The following CDIN1 variants were observed in gnomAD, a reference collection of about 807,000 sequenced individuals.
CDIN1 encodes the protein CDAN1 interacting nuclease 1, also known as CDAN1-interacting nuclease 1.
CDIN1 carries 33 observed loss-of-function variants against 45.3 expected under a neutral mutation model. That is an observed-to-expected ratio of 0.73 (90% CI 0.55 to 0.97). The LOEUF (loss-of-function observed/expected upper bound fraction) is 0.97. Ranked by LOEUF, CDIN1 falls within the 50% of genes least tolerant of loss-of-function variation. The pLI, the probability that CDIN1 is intolerant of heterozygous loss-of-function variation, is 0.00. For synonymous variants in CDIN1, 118 were observed against 124.4 expected, an observed-to-expected ratio of 0.95 and a Z score of 0.34; for missense variants, 303 against 339.4, an observed-to-expected ratio of 0.89 and a Z score of 0.84.
chr15:36,709,815 C>T (rs764552003), intron 9 of CDIN1, 41 bp from the exon 10 acceptor site: 1 of 1,523,390 alleles, frequency 6.6e-7, no homozygotes, highest in African/African-American at 1.4e-5. Context: ...TTTCAATCTT[C>T]CCCTCCCTTC....
At chr15:36,632,250 A>G (rs952180773) in intron 1 of CDIN1, among the ~76,000 whole-genome samples, 1 of 152,192 alleles carries the variant, frequency 6.6e-6, no homozygotes, top group African/African-American at 2.4e-5. Context: ...TTGTAGCCTC[A>G]AAACTACAGT....
intron 5 of CDIN1, among the ~76,000 whole-genome samples, chr15:36,686,811 GGA>G (rs1161026332): frequency 2.2e-5 from 3 of 135,184 alleles, no homozygotes; most frequent in African/African-American, 2.7e-5. Flanking sequence ...ATGGAGGGAG[GGA>G]GAGAGAGAGA....
chr15:36,746,752 CTTTT>C (rs760613983), intron 10 of CDIN1, among the ~76,000 whole-genome samples: 8 of 74,342 alleles, frequency 1.1e-4, no homozygotes, highest in African/African-American at 3.6e-4. Flanking sequence ...GGAAACGTGT[CTTTT>C]TTTTTTTTTT....
intron 5 of CDIN1, among the ~76,000 whole-genome samples, chr15:36,675,557 C>G (rs1182396519): frequency 6.6e-6 from 1 of 152,160 alleles, no homozygotes; most frequent in African/African-American, 2.4e-5. Flanking sequence ...CTCACTTTGG[C>G]ACAGCATTGT....
At chr15:36,744,645 A>C (rs1042302173) in intron 10 of CDIN1, among the ~76,000 whole-genome samples, 1 of 152,178 alleles carries the variant, frequency 6.6e-6, no homozygotes, top group Non-Finnish European at 1.5e-5. Context: ...TGATTAGGGA[A>C]GGTTTTTCCA....
chr15:36,778,763 G>A (rs2054280228), intron 10 of CDIN1, among the ~76,000 whole-genome samples: 1 of 152,096 alleles, frequency 6.6e-6, no homozygotes, highest in Non-Finnish European at 1.5e-5. Flanking sequence ...TTGATTTACT[G>A]CATATGGAAT....
chr15:36,613,296 C>T (rs2038734303), intron 1 of CDIN1, among the ~76,000 whole-genome samples: 1 of 152,150 alleles, frequency 6.6e-6, no homozygotes, highest in Non-Finnish European at 1.5e-5. Context: ...ACTAAGTCAT[C>T]ACTTGGAAGG....
chr15:36,579,740 CA>C lies in CDIN1; in HGVS notation c.-119del. The C allele has an allele frequency of 2.7e-6, 2 of 740,666 alleles. 1 individual carries two copies. The highest frequency in any genetic ancestry group is 3.6e-5 in the South Asian group (2 of 54,896). 45.9% of individuals were successfully genotyped at this position (740,666 alleles called of 1,614,324 possible). On this transcript the variant is annotated 5_prime_UTR_variant, in exon 1 of 11. Transcript: ENST00000566621. Reference sequence around the variant, plus strand: ...TGTTTCAGGGGGGATTGGGGCAAGCCAAGCAGGCGAGGACCCGGGCCTGTGC... The same window carrying C: ...TGTTTCAGGGGGGATTGGGGCAAGCCAGCAGGCGAGGACCCGGGCCTGTGC...
intron 10 of CDIN1, among the ~76,000 whole-genome samples, chr15:36,781,422 C>A (rs1262707193): frequency 1.3e-5 from 2 of 152,160 alleles, no homozygotes; most frequent in African/African-American, 4.8e-5. Flanking sequence ...CAAGGTCACA[C>A]AGCCAATTAC....
At chr15:36,804,519 C>T (rs546830146) in intron 10 of CDIN1, 8 of 152,046 alleles carry the variant, frequency 5.3e-5, no homozygotes, top group African/African-American at 1.9e-4. Flanking sequence ...AAAACCTGGT[C>T]TTTACCCTCA....
intron 5 of CDIN1, among the ~76,000 whole-genome samples, chr15:36,662,333 C>G (rs57392517): frequency 0.45 from 67,820 of 152,042 alleles, 15,448 homozygotes; most frequent in East Asian, 0.66. Context: ...CCTCCACACA[C>G]ACACCAGAAT....
At chr15:36,761,128 T>C (rs1370550712) in intron 10 of CDIN1, among the ~76,000 whole-genome samples, 4 of 152,222 alleles carry the variant, frequency 2.6e-5, no homozygotes, top group African/African-American at 9.6e-5. Context: ...GAAAGTTGTA[T>C]GATAGAGACC....
chr15:36,656,321 A>G (rs116201328), intron 4 of CDIN1, among the ~76,000 whole-genome samples: 1 of 152,130 alleles, frequency 6.6e-6, no homozygotes, highest in African/African-American at 2.4e-5. Flanking sequence ...GGGTGCAGCA[A>G]CTCTCTTAGA....
intron 3 of CDIN1, among the ~76,000 whole-genome samples, chr15:36,646,344 C>T (rs1466999804): frequency 1.3e-5 from 2 of 152,060 alleles, no homozygotes; most frequent in African/African-American, 2.4e-5. Flanking sequence ...TTATTCACTG[C>T]TATATGTGGT....
At chr15:36,672,133 G>T (rs2041473988) in intron 5 of CDIN1, among the ~76,000 whole-genome samples, 2 of 150,160 alleles carry the variant, frequency 1.3e-5, no homozygotes, top group Admixed American at 6.6e-5. Flanking sequence ...TAAATTTTTA[G>T]AATTTCACTT....
At chr15:36,612,316 T>C (rs2038685955) in intron 1 of CDIN1, among the ~76,000 whole-genome samples, 2 of 152,134 alleles carry the variant, frequency 1.3e-5, no homozygotes, top group South Asian at 4.1e-4. Context: ...GCTGATAGAA[T>C]GGTGAGCTGA....
chr15:36,794,335 G>A (rs7170491), intron 10 of CDIN1, among the ~76,000 whole-genome samples: 1,799 of 152,192 alleles, frequency 0.012, 32 homozygotes, highest in African/African-American at 0.042. Context: ...TGGGATTACA[G>A]GTGTGACATC....
intron 7 of CDIN1, among the ~76,000 whole-genome samples, chr15:36,692,662 T>G (rs1291865692): frequency 6.6e-6 from 1 of 152,208 alleles, no homozygotes; most frequent in Non-Finnish European, 1.5e-5. Context: ...AAATGCTGAT[T>G]ACAATCTGAG....
intron 5 of CDIN1, among the ~76,000 whole-genome samples, chr15:36,678,413 G>C (rs1424903824): frequency 6.6e-6 from 1 of 152,222 alleles, no homozygotes; most frequent in Non-Finnish European, 1.5e-5. Flanking sequence ...AGGCTTTGCT[G>C]TCTTGGAGTT....
Sources: allele counts gnomAD v4.1 joint callset (sites outside exome capture counted in the v4.1 genomes callset), GRCh38; gene constraint gnomAD v4.1.1; transcripts MANE v1.5; gene names NCBI Gene and HGNC (gene_info 2026-07-23, HGNC 2026-07-21).